Variants in ZEB1 observed in about 807,000 individuals in gnomAD.
The protein encoded by ZEB1 is zinc finger E-box binding homeobox 1, also known as zinc finger E-box-binding homeobox 1.
ZEB1 carries 21 observed loss-of-function variants against 84.9 expected under a neutral mutation model. The observed-to-expected ratio is 0.25, with a 90% CI of 0.18 to 0.36. ZEB1 has a LOEUF of 0.36. Among genes scored for constraint, ZEB1 ranks in the 10% least tolerant of loss-of-function variants. ZEB1 has a pLI of 1.00. For missense variants in ZEB1, 1,104 were observed against 1,330.2 expected (o/e 0.83, Z 2.65); for synonymous variants, 420 against 471.1 (o/e 0.89, Z 1.41).
rs191303232 is a variant in ZEB1 at position 31,480,937 on chromosome 10, A to G, written c.260-14839A>G. Among the ~76,000 whole-genome samples the G allele has an allele frequency of 7.9e-5, 12 of 152,002 alleles. No individual in the cohort carries two copies. In the East Asian group the frequency reaches 2.3e-3, roughly 30 times the overall value. ...ATCTGCTGGATGATTTAAATTATTT[A>G]TTTTTTGAGGGAATAGGAAACATTG... On this transcript the variant is annotated intron_variant, in intron 2 of 8. Transcript: ENST00000424869.
In ZEB1 at chr10:31,521,469, T is replaced by G. The variant is rs2072355105; in HGVS notation, c.2137T>G (p.Ser713Ala). 1 of 1,614,030 alleles carries G rather than the reference T, an allele frequency of 6.2e-7. No individual in the cohort carries two copies. ...TPSPSPLNLSSSRNTQGYLYT... is the reference protein window; with the variant it reads ...TPSPSPLNLSASRNTQGYLYT... ...ATCCCCATCACCTCTAAACCTTTCC[T>G]CATCCAGAAATACACAGGGTTACTT... The change falls in exon 7 of 9, where the codon TCA becomes GCA. Residue 713 changes from serine (S) to alanine (A), a missense_variant. Physicochemically the swap from Ser to Ala is moderately conservative, Grantham distance 99 (BLOSUM62 1). This residue lies in a region of ZEB1 where 531 missense variants were observed against 575.2 expected (regional missense o/e 0.92). Coordinates refer to ENST00000424869, the MANE Select transcript of ZEB1 (RefSeq NM_001174096.2).
intron 6 of ZEB1, among the ~76,000 whole-genome samples, chr10:31,516,216 C>G (rs1281427811): frequency 3.3e-5 from 5 of 151,992 alleles, no homozygotes; most frequent in Admixed American, 3.3e-4. Flanking sequence ...TGATACTGCT[C>G]AAAAGCTAAT....
chr10:31,468,742 G>A (rs1202052199), intron 2 of ZEB1, among the ~76,000 whole-genome samples: 1 of 152,102 alleles, frequency 6.6e-6, no homozygotes, highest in Non-Finnish European at 1.5e-5. Context: ...CCCAACATAT[G>A]CAAGAGTCAC....
At position 31,521,364 on chromosome 10, in the gene ZEB1, C is replaced by G. The variant is rs267602469; in HGVS notation, c.2032C>G (p.Leu678Val). The G allele has an allele frequency of 3.1e-6, 5 of 1,614,082 alleles. No homozygotes were observed. The South Asian group carries it at 5.5e-5, about 18-fold the overall frequency. ...ANEPQDSTVN[L>V]QSPLKMTNSP... ...TGAACCCCAGGACAGCACAGTAAAT[C>G]TACAAAGTCCTTTGAAGATGACTAA... Residue 678 changes from leucine to valine, a missense_variant, in exon 7 of 9, where the codon CTA becomes GTA. Physicochemically the swap from Leu to Val is conservative, Grantham distance 32. Around this residue, in one of 7 missense-constraint regions of ZEB1, gnomAD observed 531 missense variants for 575.2 expected, o/e 0.92. Transcript: ENST00000424869.
chr10:31,345,151 A>G (rs547419895), intron 1 of ZEB1, among the ~76,000 whole-genome samples: 18 of 152,246 alleles, frequency 1.2e-4, no homozygotes, highest in African/African-American at 3.6e-4. Context: ...ATCCAGATTC[A>G]CAGACATTTC....
intron 1 of ZEB1, among the ~76,000 whole-genome samples, chr10:31,449,832 G>A (rs190473741): frequency 6.6e-6 from 1 of 152,090 alleles, no homozygotes; most frequent in Non-Finnish European, 1.5e-5. Context: ...TATGTATCAA[G>A]AATATATGTG....
chr10:31,511,337 T>C (rs908404374), intron 5 of ZEB1, among the ~76,000 whole-genome samples: 1 of 152,284 alleles, frequency 6.6e-6, no homozygotes, highest in South Asian at 2.1e-4. Context: ...GTGGTTTTTT[T>C]CCCCCGTAGT....
chr10:31,458,304 C>T (rs1014468981), intron 1 of ZEB1, among the ~76,000 whole-genome samples: 9 of 139,684 alleles, frequency 6.4e-5, no homozygotes, highest in African/African-American at 6.6e-5. Flanking sequence ...CAGTAAGCAT[C>T]TCCATTCCGT....
At chr10:31,465,475 T>A (rs562098469) in intron 2 of ZEB1, among the ~76,000 whole-genome samples, 9 of 151,318 alleles carry the variant, frequency 5.9e-5, no homozygotes, top group East Asian at 1.9e-4. Flanking sequence ...TATATATATA[T>A]AAAATATCAA....
chr10:31,365,970 C>G (rs878991921), intron 1 of ZEB1, among the ~76,000 whole-genome samples: 1 of 152,252 alleles, frequency 6.6e-6, no homozygotes, highest in East Asian at 1.9e-4. Context: ...CTTTCTTCCT[C>G]AGTAACACGT....
At chr10:31,515,877 T>G (rs1021951672) in intron 6 of ZEB1, among the ~76,000 whole-genome samples, 1 of 152,078 alleles carries the variant, frequency 6.6e-6, no homozygotes, top group Non-Finnish European at 1.5e-5. Context: ...CAACCTACCT[T>G]CTTACCAGAG....
intron 1 of ZEB1, among the ~76,000 whole-genome samples, chr10:31,357,523 T>C (rs1337010419): frequency 6.6e-6 from 1 of 152,106 alleles, no homozygotes; most frequent in Admixed American, 6.6e-5. Context: ...CAAGAAGAGG[T>C]CATATTGGTA....
At chr10:31,352,113 TTATTC>T (rs377733141) in intron 1 of ZEB1, among the ~76,000 whole-genome samples, 1 of 152,134 alleles carries the variant, frequency 6.6e-6, no homozygotes, top group Non-Finnish European at 1.5e-5. Context: ...TAATCAGACT[TTATTC>T]TGTTACCTAT....
intron 1 of ZEB1, among the ~76,000 whole-genome samples, chr10:31,331,077 C>CTTTTTTTTTTTTT: frequency 9.0e-5 from 8 of 89,064 alleles, no homozygotes; most frequent in African/African-American, 2.7e-4. Context: ...TTTTTTCTTT[C>CTTTTTTTTTTTTT]TTTCTTTTTT....
intron 1 of ZEB1, among the ~76,000 whole-genome samples, chr10:31,357,923 T>A (rs964039604): frequency 6.6e-6 from 1 of 152,172 alleles, no homozygotes; most frequent in Admixed American, 6.5e-5. Flanking sequence ...CAATCAGGAT[T>A]GTGTGTTTCC....
intron 1 of ZEB1, among the ~76,000 whole-genome samples, chr10:31,446,278 T>C (rs1591363772): frequency 6.6e-6 from 1 of 152,210 alleles, no homozygotes; most frequent in Non-Finnish European, 1.5e-5. Context: ...TTTATCATTT[T>C]TTATTGCGTC....
rs146672684 is a variant in ZEB1, at chr10:31,527,118, G to A, written c.3232G>A (p.Val1078Ile). Residue 1078 changes from valine to isoleucine, a missense_variant, in exon 9 of 9, where the codon GTA becomes ATA. Physicochemically the swap from Val to Ile is conservative, Grantham distance 29. Coordinates refer to ENST00000424869, the MANE Select transcript of ZEB1 (RefSeq NM_001174096.2). Reference sequence around the variant, plus strand: ...GGAGGAAGAAGTGGAAGAAGAAGAGGTAGAAGAGGCAGAGAATGAGGGAGA... The same window carrying A: ...GGAGGAAGAAGTGGAAGAAGAAGAGATAGAAGAGGCAGAGAATGAGGGAGA... Reference protein sequence around the residue: ...EEEEEVEEEEVEEAENEGEEA... With the variant: ...EEEEEVEEEEIEEAENEGEEA... 3.4e-5 allele frequency: 54 copies of A among 1,605,090 alleles called. No individual in the cohort carries two copies. The African/African-American group carries it at 6.8e-4, about 20-fold the overall frequency.
rs566959944 is a variant in ZEB1 at position 31,440,877 on chromosome 10, C to G, written c.59-20160C>G. Among the ~76,000 whole-genome samples the G allele has an allele frequency of 2.0e-5, 3 of 152,256 alleles. No homozygotes were observed. The East Asian group carries it at 5.8e-4, about 29-fold the overall frequency. ...ACGTGAAGGACCTCTTCAAGGAGAA[C>G]TACAAACCACTGGTCAAGGAAATAA... is the stretch of plus-strand genomic sequence containing the variant. On this transcript the variant is annotated intron_variant, in intron 1 of 8. Coordinates refer to ENST00000424869, the MANE Select transcript of ZEB1 (RefSeq NM_001174096.2).
chr10:31,374,010 C>T (rs1295778091), intron 1 of ZEB1, among the ~76,000 whole-genome samples: 1 of 151,604 alleles, frequency 6.6e-6, no homozygotes, highest in African/African-American at 2.4e-5. Flanking sequence ...TAGCTTTGGA[C>T]AAGAGTGGAG....
Sources: gnomAD v4.1 joint callset for allele counts (sites outside exome capture counted in the v4.1 genomes callset) on GRCh38, gnomAD v4.1.1 for gene constraint, gnomAD v4.1.1 regional missense constraint, MANE v1.5 for transcripts, NCBI Gene and HGNC (gene_info 2026-07-23, HGNC 2026-07-21) for gene names.